The following ZZEF1 variants were observed in gnomAD, a reference collection of about 807,000 sequenced individuals.
ZZEF1 encodes the protein zinc finger ZZ-type and EF-hand domain-containing protein 1.
In ZZEF1, 157 loss-of-function variants were observed where a neutral mutation model predicts 342.8. That is an observed-to-expected ratio of 0.46 (90% CI 0.40 to 0.52). ZZEF1 has a LOEUF of 0.52. Ranked by LOEUF, ZZEF1 falls within the 20% of genes least tolerant of loss-of-function variation. The pLI is 0.00. For missense variants in ZZEF1, 3,480 were observed against 3,725.6 expected (o/e 0.93, Z 1.72); for synonymous variants, 1,505 against 1,429.1 (o/e 1.05, Z -1.20).
Position 4,042,424 on chromosome 17 carries a change from C to T in ZZEF1, c.6306+5G>A. On this transcript the variant is annotated splice_donor_5th_base_variant and intron_variant, in intron 39 of 54. Coordinates refer to ENST00000381638, the MANE Select transcript of ZZEF1 (RefSeq NM_015113.4). ...CCCCCACTTTTAAAAATAAATTGCCCTTACCGACTTTAAGGGAGGTAACAT... is the reference window on the plus strand; with the variant it reads ...CCCCCACTTTTAAAAATAAATTGCCTTTACCGACTTTAAGGGAGGTAACAT... 3 of 1,608,514 alleles carry T rather than the reference C, an allele frequency of 1.9e-6. No individual in the cohort carries two copies. Among genetic ancestry groups the T allele is most frequent in the Non-Finnish European group, 1.7e-6 (2 of 1,178,264 alleles).
Position 4,086,674 on chromosome 17 carries a change from C to T in ZZEF1, c.2343-19G>A, listed in dbSNP as rs2727060. 962,467 of 1,611,568 alleles carry T rather than the reference C, an allele frequency of 0.6. 294,402 individuals carry two copies. The highest frequency in any genetic ancestry group is 0.71 in the East Asian group (31,935 of 44,844). ...CCTCGGGCTACAGAAAGACAAAAAA[C>T]ATCAGAGAGCAAAAGGGCAAGTTGC... On this transcript the variant is annotated intron_variant, in intron 14 of 54. Transcript: ENST00000381638.
At chr17:4,136,343 CAAA>C (rs10567843) in intron 1 of ZZEF1, among the ~76,000 whole-genome samples, 2 of 130,484 alleles carry the variant, frequency 1.5e-5, no homozygotes, top group Non-Finnish European at 1.6e-5. Flanking sequence ...GACTCCGTCT[CAAA>C]AAAAAAAAAA....
At chr17:4,031,471 T>C (rs992781766) in intron 42 of ZZEF1, among the ~76,000 whole-genome samples, 3 of 151,994 alleles carry the variant, frequency 2.0e-5, no homozygotes, top group South Asian at 2.1e-4. Flanking sequence ...TCCAAGATAA[T>C]TGGATGGAGA....
intron 1 of ZZEF1, among the ~76,000 whole-genome samples, chr17:4,135,963 T>C (rs1306203584): frequency 6.6e-6 from 1 of 151,714 alleles, no homozygotes. Flanking sequence ...CAATACTTTT[T>C]CTCATCAGTT....
intron 9 of ZZEF1, among the ~76,000 whole-genome samples, chr17:4,097,721 G>A (rs2058061370): frequency 6.6e-6 from 1 of 151,964 alleles, no homozygotes; most frequent in African/African-American, 2.4e-5. Flanking sequence ...TAGCATTCTT[G>A]TTAGTCTACA....
chr17:4,029,602 C>T (rs2056492634), intron 42 of ZZEF1, among the ~76,000 whole-genome samples: 1 of 151,984 alleles, frequency 6.6e-6, no homozygotes, highest in Non-Finnish European at 1.5e-5. Flanking sequence ...GTGATGGCTC[C>T]TACCTTAAGA....
rs549620718 is a variant in ZZEF1, at chr17:4,063,728, A to ATTT, written c.4718+630_4718+632dup. Among the ~76,000 whole-genome samples, 805 of 130,708 alleles carry ATTT rather than the reference A, an allele frequency of 6.2e-3. 11 individuals are homozygous for ATTT. Among genetic ancestry groups the ATTT allele is most frequent in the African/African-American group, 0.022 (761 of 34,492 alleles). The allele number at this position is 130,708 out of a possible 152,430, so 85.7% of individuals were successfully genotyped here. ...GGGCAGGTGCCACCACACTCAGGTCATTTTTTTTTTTTTTTTTGAGACAGA... is the reference window on the plus strand; with the variant it reads ...GGGCAGGTGCCACCACACTCAGGTCATTTTTTTTTTTTTTTTTTTTGAGACAGA... On this transcript the variant is annotated intron_variant, in intron 29 of 54. Coordinates refer to ENST00000381638, the MANE Select transcript of ZZEF1 (RefSeq NM_015113.4).
At position 4,016,496 on chromosome 17, in the gene ZZEF1, G is replaced by A; in HGVS notation, c.8002-30C>T. On this transcript the variant is annotated intron_variant, in intron 48 of 54. Transcript: ENST00000381638. The surrounding 1 kb of genome is among the most constrained non-coding windows in gnomAD (Gnocchi z 4.4). ...TGGGAAGCAGACAGATAAGGTCAGG[G>A]CCTGCAAGTGGCATCAGGAAGAAGG... 1 of 1,580,140 alleles carries A rather than the reference G, an allele frequency of 6.3e-7. No homozygotes were observed. The highest frequency in any genetic ancestry group is 8.5e-7 in the Non-Finnish European group (1 of 1,170,016).
chr17:4,112,777 G>A lies in ZZEF1; in HGVS notation c.898C>T (p.His300Tyr). The A allele has an allele frequency of 1.3e-6, 2 of 1,592,044 alleles. No individual in the cohort carries two copies. The highest frequency in any genetic ancestry group is 1.7e-6 in the Non-Finnish European group (2 of 1,166,324). ...GTGGCAGCCACTGCAATGGACAGGT[G>A]CCTAAGCACAACATCTGGCTTCATT... is the stretch of plus-strand genomic sequence containing the variant. ...LKMKPDVVLR[H>Y]LSIAVAATDQ... Residue 300 changes from histidine (H) to tyrosine (Y), a missense_variant, in exon 5 of 55, where the codon CAC becomes TAC. Coordinates refer to ENST00000381638, the MANE Select transcript of ZZEF1 (RefSeq NM_015113.4).
Position 4,017,859 on chromosome 17 carries a change from C to T in ZZEF1, c.7618G>A (p.Asp2540Asn). ...ACCAAGCATGGCAGGATAATCATGT[C>T]TGTATCCACAGCTTTGGCGCTCTGT... ...EEQSAKAVDT[D>N]MIILPCLSRP... Residue 2540 changes from aspartate to asparagine, a missense_variant, in exon 47 of 55, where the codon GAC becomes AAC. Coordinates refer to ENST00000381638, the MANE Select transcript of ZZEF1 (RefSeq NM_015113.4). The surrounding 1 kb of genome is among the most constrained non-coding windows in gnomAD (Gnocchi z 5.1). The T allele has an allele frequency of 6.2e-7, 1 of 1,614,212 alleles. No individual in the cohort carries two copies. Among genetic ancestry groups the T allele is most frequent in the Non-Finnish European group, 8.5e-7 (1 of 1,180,048 alleles).
In ZZEF1 at chr17:4,054,068, G is replaced by T; in HGVS notation, c.5423C>A (p.Thr1808Asn). The T allele has an allele frequency of 1.2e-6, 2 of 1,611,852 alleles. No homozygotes were observed. The highest frequency in any genetic ancestry group is 1.7e-6 in the Non-Finnish European group (2 of 1,178,748). The change falls in exon 34 of 55, where the codon ACT becomes AAT. Residue 1808 changes from threonine (T) to asparagine (N), a missense_variant. Physicochemically the swap from Thr to Asn is moderately conservative, Grantham distance 65. Transcript: ENST00000381638. ...LQCSDMDLCK[T>N]CFLGGVKPEG... ...TTCATGAAATTTACCTAGGAAGCAA[G>T]TTTTGCAGAGATCCATGTCGCTGCA...
At chr17:4,130,203 C>T (rs1201447212) in intron 1 of ZZEF1, among the ~76,000 whole-genome samples, 1 of 152,156 alleles carries the variant, frequency 6.6e-6, no homozygotes, top group Admixed American at 6.6e-5. Flanking sequence ...CCTATAATCC[C>T]AGCACTTTGG....
intron 1 of ZZEF1, among the ~76,000 whole-genome samples, chr17:4,138,792 A>G (rs961151169): frequency 7.2e-5 from 11 of 152,238 alleles, no homozygotes; most frequent in Admixed American, 7.2e-4. Flanking sequence ...TATCTAATCT[A>G]TAACCTCTGA....
chr17:4,025,741 GAGAGACTGGATTT>G (rs1268976746), intron 42 of ZZEF1, among the ~76,000 whole-genome samples: 1 of 150,856 alleles, frequency 6.6e-6, no homozygotes, highest in African/African-American at 2.4e-5. Flanking sequence ...GACAGAACAA[GAGAGACTGGATTT>G]ACTCTCCCAC....
chr17:4,010,804 C>A (rs1412807688), intron 52 of ZZEF1, among the ~76,000 whole-genome samples: 4 of 151,006 alleles, frequency 2.6e-5, no homozygotes, highest in African/African-American at 7.3e-5. Flanking sequence ...AAATAACCTG[C>A]ATATACAGCA....
chr17:4,091,467 T>C (rs1223838397), intron 11 of ZZEF1, among the ~76,000 whole-genome samples: 2 of 152,258 alleles, frequency 1.3e-5, no homozygotes, highest in Non-Finnish European at 2.9e-5. Flanking sequence ...ACTTAAATGC[T>C]ACTCCCTTTT....
At position 4,074,996 on chromosome 17, in the gene ZZEF1, T is replaced by C. The variant is rs572887695; in HGVS notation, c.3483+101A>G. On this transcript the variant is annotated intron_variant, in intron 23 of 54. Coordinates refer to ENST00000381638, the MANE Select transcript of ZZEF1 (RefSeq NM_015113.4). ...TCCTTTCACAAACGTGTAACATAAA[T>C]GCCTCCCTTCAAAGACCTTACCTCT... 9.7e-6 allele frequency: 11 copies of C among 1,139,074 alleles called. No individual in the cohort carries two copies. The African/African-American group carries it at 1.5e-4, about 16-fold the overall frequency. 70.6% of individuals were successfully genotyped at this position (1,139,074 alleles called of 1,614,324 possible). A position where few individuals can be genotyped will look rare whatever the true frequency, so the allele number is the denominator to read the frequency against.
chr17:4,051,528 C>G (rs1567795598), intron 35 of ZZEF1, among the ~76,000 whole-genome samples: 1 of 152,102 alleles, frequency 6.6e-6, no homozygotes, highest in Admixed American at 6.5e-5. Context: ...TCAAGCGATT[C>G]TCATGCCTTA....
chr17:4,128,513 G>A (rs1205947206), intron 1 of ZZEF1, among the ~76,000 whole-genome samples: 2 of 148,402 alleles, frequency 1.3e-5, no homozygotes, highest in African/African-American at 2.5e-5. Context: ...CAGCTGGAGT[G>A]CAGTTGCGTG....
Sources: allele counts gnomAD v4.1 joint callset (sites outside exome capture counted in the v4.1 genomes callset), GRCh38; gene constraint gnomAD v4.1.1; non-coding constraint Gnocchi (gnomAD v3.1); transcripts MANE v1.5; gene names NCBI Gene and HGNC (gene_info 2026-07-23, HGNC 2026-07-21).